Variants in LIMA1 observed in about 807,000 individuals in gnomAD.
LIMA1 encodes the protein LIM domain and actin-binding protein 1.
Under a neutral mutation model 62.6 loss-of-function variants are expected in LIMA1, and 52 were observed. The observed-to-expected ratio is 0.83, with a 90% CI of 0.67 to 1.05. LIMA1 has a LOEUF of 1.05. Ranked by LOEUF, LIMA1 falls within the 50% of genes least tolerant of loss-of-function variation. The pLI, the probability that LIMA1 is intolerant of heterozygous loss-of-function variation, is 0.00. For missense variants in LIMA1, 780 were observed against 902.2 expected, an observed-to-expected ratio of 0.86 and a Z score of 1.74; for synonymous variants, 302 against 317.8, an observed-to-expected ratio of 0.95 and a Z score of 0.53.
At chr12:50,208,528 T>C (rs529614930) in intron 4 of LIMA1, among the ~76,000 whole-genome samples, 2 of 152,070 alleles carry the variant, frequency 1.3e-5, no homozygotes, top group East Asian at 3.9e-4. Flanking sequence ...CATGCGCCTG[T>C]AGTCCCAGGT....
intron 9 of LIMA1, among the ~76,000 whole-genome samples, chr12:50,184,988 C>T (rs1026372333): frequency 2.0e-5 from 3 of 152,050 alleles, no homozygotes; most frequent in Admixed American, 6.5e-5. Flanking sequence ...TGCACCACCA[C>T]ACTCGGCTAA....
At chr12:50,277,778 C>T (rs970922789) in intron 1 of LIMA1, among the ~76,000 whole-genome samples, 1 of 152,128 alleles carries the variant, frequency 6.6e-6, no homozygotes, top group Non-Finnish European at 1.5e-5. Flanking sequence ...GCCTGTGCTT[C>T]CCCCACAAAA....
intron 5 of LIMA1, 93 bp from the exon 6 acceptor site, chr12:50,204,793 C>T: frequency 1.6e-6 from 2 of 1,259,994 alleles, no homozygotes; most frequent in Non-Finnish European, 1.1e-6. Context: ...GATCATAGCT[C>T]ACTACAGCCT....
At position 50,200,861 on chromosome 12, in the gene LIMA1, G is replaced by A. The variant is rs764042104; in HGVS notation, c.888C>T (p.Gly296=). The A allele has an allele frequency of 5.1e-5, 83 of 1,613,612 alleles. No individual in the cohort carries two copies. The highest frequency in any genetic ancestry group is 3.5e-4 in the South Asian group (32 of 91,048). Residue 296 remains glycine, a synonymous_variant, in exon 7 of 11, where the codon GGC becomes GGT. Coordinates refer to ENST00000341247, the MANE Select transcript of LIMA1 (RefSeq NM_016357.5). ...GCTCCATTTTATGAATTTTGATTTC[G>A]CCACCACTGGCTTTCAGCTCATTCT... ...NYTNELKASG[G]EIKIHKMEQK... is the part of the protein sequence containing the mutation.
At chr12:50,227,237 CTTTTTT>C (rs199650468) in intron 3 of LIMA1, among the ~76,000 whole-genome samples, 32,162 of 123,832 alleles carry the variant, frequency 0.26, 4,039 homozygotes, top group East Asian at 0.63. Flanking sequence ...TTTTTCTTTT[CTTTTTT>C]TTTTTTTTTT....
chr12:50,260,492 C>T (rs557122498), intron 1 of LIMA1, among the ~76,000 whole-genome samples: 27 of 152,184 alleles, frequency 1.8e-4, no homozygotes, highest in Non-Finnish European at 3.2e-4. Context: ...TTCATATGTC[C>T]AATATGCAAC....
intron 4 of LIMA1, among the ~76,000 whole-genome samples, chr12:50,208,184 C>T (rs537551299): frequency 6.6e-6 from 1 of 151,818 alleles, no homozygotes; most frequent in East Asian, 1.9e-4. Flanking sequence ...CTTGTCTCTA[C>T]AAAAAAGATA....
chr12:50,206,538 T>A (rs1941157250), intron 4 of LIMA1, among the ~76,000 whole-genome samples: 2 of 152,184 alleles, frequency 1.3e-5, no homozygotes, highest in African/African-American at 4.8e-5. Flanking sequence ...GCTACCATTA[T>A]CCCCAATAAT....
intron 3 of LIMA1, among the ~76,000 whole-genome samples, chr12:50,227,041 G>A (rs1324074791): frequency 6.7e-6 from 1 of 150,216 alleles, no homozygotes; most frequent in Admixed American, 6.7e-5. Context: ...TATTCATCCC[G>A]ATTTCACCCA....
intron 9 of LIMA1, among the ~76,000 whole-genome samples, chr12:50,190,766 T>C (rs966251569): frequency 5.7e-5 from 8 of 141,078 alleles, no homozygotes; most frequent in African/African-American, 1.1e-4. Flanking sequence ...CATTCTTTCG[T>C]TAAAAATGTT....
chr12:50,180,138 G>A (rs1165065630), intron 10 of LIMA1, among the ~76,000 whole-genome samples: 2 of 151,782 alleles, frequency 1.3e-5, no homozygotes, highest in Non-Finnish European at 2.9e-5. Flanking sequence ...TCATCTCTAT[G>A]AAAAATACAA....
chr12:50,234,039 TTTG>T (rs1300049421), intron 2 of LIMA1: 1 of 434,672 alleles, frequency 2.3e-6, no homozygotes, highest in African/African-American at 2.1e-5. Context: ...TAAATAATTA[TTTG>T]TTATTACTTT....
chr12:50,186,986 T>C (rs1940645899), intron 9 of LIMA1: 1 of 152,212 alleles, frequency 6.6e-6, no homozygotes, highest in African/African-American at 2.4e-5. Flanking sequence ...GACAGCAATT[T>C]GAACAAACTA....
chr12:50,210,427 A>AAAAAAAG (rs1941234531), intron 4 of LIMA1, among the ~76,000 whole-genome samples: 1 of 151,586 alleles, frequency 6.6e-6, no homozygotes, highest in Admixed American at 6.6e-5. Flanking sequence ...CCAAAAAAAA[A>AAAAAAAG]AAAAAAAAGA....
chr12:50,224,877 G>A (rs1436853941), intron 3 of LIMA1, among the ~76,000 whole-genome samples: 1 of 148,430 alleles, frequency 6.7e-6, no homozygotes, highest in Non-Finnish European at 1.5e-5. Flanking sequence ...GACTACAGGT[G>A]TATGTCAGCA....
intron 6 of LIMA1, 65 bp from the exon 7 acceptor site, chr12:50,200,949 CA>C: frequency 1.3e-6 from 2 of 1,570,578 alleles, no homozygotes; most frequent in Non-Finnish European, 1.7e-6. Flanking sequence ...CTTCATAGCA[CA>C]TCTATTAGAT....
chr12:50,236,254 A>G (rs1181447649), intron 2 of LIMA1, among the ~76,000 whole-genome samples: 2 of 152,142 alleles, frequency 1.3e-5, no homozygotes, highest in East Asian at 3.9e-4. Flanking sequence ...AAATTCAAAC[A>G]ATGCTAACAA....
Position 50,253,420 on chromosome 12 carries a change from G to A in LIMA1, c.-23-4646C>T, listed in dbSNP as rs373505710. Among the ~76,000 whole-genome samples, 18 of 152,310 alleles carry A rather than the reference G, an allele frequency of 1.2e-4. No individual in the cohort carries two copies. In the East Asian group the frequency reaches 1.5e-3, roughly 13 times the overall value. On this transcript the variant is annotated intron_variant, in intron 1 of 10. Coordinates refer to ENST00000341247, the MANE Select transcript of LIMA1 (RefSeq NM_016357.5). The stretch of plus-strand genomic sequence containing the variant: ...TTTACAAAGATCACTTAGCTATAAA[G>A]TAGCAGAGCTGGGATTCAAACGCAT...
chr12:50,188,352 A>G (rs1940677139), intron 9 of LIMA1: 1 of 152,202 alleles, frequency 6.6e-6, no homozygotes, highest in Non-Finnish European at 1.5e-5. Context: ...TCCTATAAAC[A>G]TTTACTAAAG....
Sources: gnomAD v4.1 joint callset for allele counts (sites outside exome capture counted in the v4.1 genomes callset) on GRCh38, gnomAD v4.1.1 for gene constraint, MANE v1.5 for transcripts, NCBI Gene and HGNC (gene_info 2026-07-23, HGNC 2026-07-21) for gene names.